HTRA3: variants seen among roughly 807,000 people sequenced by gnomAD.
HTRA3 encodes serine protease HTRA3.
In HTRA3, 41 loss-of-function variants were observed where a neutral mutation model predicts 43.2. The observed-to-expected ratio is 0.95, with a 90% CI of 0.74 to 1.23. The LOEUF (loss-of-function observed/expected upper bound fraction) is 1.23. Ranked by LOEUF, HTRA3 falls within the 50% of genes most tolerant of loss-of-function variation. The probability of loss-of-function intolerance (pLI) is 0.00; values close to 1 mark genes in which losing one functional copy is unlikely to be tolerated. For missense variants in HTRA3, 628 were observed against 647.1 expected (o/e 0.97, Z 0.32); for synonymous variants, 295 against 287.9 (o/e 1.02, Z -0.25).
rs1713874757 is a variant in HTRA3, at chr4:8,306,865, G to A, written c.*729G>A. ...CAGCCTGCAGAGGACAGTGGACGTGGAGCTGCGGGGTGTGAGGACTGAGCC... is the reference window on the plus strand; with the variant it reads ...CAGCCTGCAGAGGACAGTGGACGTGAAGCTGCGGGGTGTGAGGACTGAGCC... On this transcript the variant is annotated 3_prime_UTR_variant, in exon 9 of 9. Coordinates refer to ENST00000307358, the MANE Select transcript of HTRA3 (RefSeq NM_053044.5). This position sits in a 1 kb window ranked among gnomAD's most constrained non-coding sequence, Gnocchi z 8.9. 2 of 152,674 alleles carry A rather than the reference G, an allele frequency of 1.3e-5. No individual in the cohort carries two copies. Among genetic ancestry groups the A allele is most frequent in the African/African-American group, 4.8e-5 (2 of 41,462 alleles). The allele number at this position is 152,674 out of a possible 1,614,324, so 9.5% of individuals were successfully genotyped here.
rs575937150 is a variant in HTRA3 at position 8,305,324 on chromosome 4, G to C, written c.1197-647G>C. Among the ~76,000 whole-genome samples the C allele has an allele frequency of 7.9e-5, 12 of 152,374 alleles. 2 individuals carry two copies. Among genetic ancestry groups the C allele is most frequent in the African/African-American group, 2.6e-4 (11 of 41,594 alleles). On this transcript the variant is annotated intron_variant, in intron 8 of 8. Coordinates refer to ENST00000307358, the MANE Select transcript of HTRA3 (RefSeq NM_053044.5). ...GCCTGCAGTAAAAATTGTTGAAATT[G>C]GGTGAAATTTTCCACACACATCTCA...
intron 1 of HTRA3, among the ~76,000 whole-genome samples, chr4:8,274,605 G>GA (rs1712443201): frequency 6.6e-6 from 1 of 152,250 alleles, no homozygotes; most frequent in African/African-American, 2.4e-5. Flanking sequence ...CTTCTCAGGG[G>GA]AACCCTCGCA....
At chr4:8,272,633 CTG>C (rs1188552461) in intron 1 of HTRA3, among the ~76,000 whole-genome samples, 1 of 152,252 alleles carries the variant, frequency 6.6e-6, no homozygotes, top group Non-Finnish European at 1.5e-5. Flanking sequence ...CGACCCAAAT[CTG>C]TCTCACCCAG....
intron 1 of HTRA3, among the ~76,000 whole-genome samples, chr4:8,271,213 C>T (rs1233796222): frequency 7.9e-6 from 1 of 126,664 alleles, no homozygotes; most frequent in East Asian, 2.1e-4. Flanking sequence ...GGGAAGCCTG[C>T]AGAGGGCTTC....
chr4:8,294,377 C>A (rs1713362864), intron 6 of HTRA3, among the ~76,000 whole-genome samples, 176 bp downstream of exon 6: 1 of 151,802 alleles, frequency 6.6e-6, no homozygotes, highest in African/African-American at 2.4e-5. Context: ...GACAGCTTAT[C>A]CTCAGCCTCT....
chr4:8,306,031 G>A lies in HTRA3; in HGVS notation c.1257G>A (p.Ser419=), dbSNP rs760421189. The change falls in exon 9 of 9, where the codon TCG becomes TCA. Residue 419 remains serine, a synonymous_variant. Transcript: ENST00000307358. The surrounding 1 kb of genome is among the most constrained non-coding windows in gnomAD (Gnocchi z 8.9). The part of the protein sequence containing the change: ...VKVNGRPLVD[S]SELQEAVLTE... ...TCAACGGGCGTCCTCTAGTGGACTC[G>A]AGTGAGCTGCAGGAGGCCGTGCTGA... is the stretch of plus-strand genomic sequence containing the variant. 29 of 1,612,774 alleles carry A rather than the reference G, an allele frequency of 1.8e-5. No individual in the cohort carries two copies. Among genetic ancestry groups the A allele is most frequent in the African/African-American group, 4.0e-5 (3 of 74,564 alleles).
In HTRA3 at chr4:8,294,165, C is replaced by G. The variant is rs377511028; in HGVS notation, c.1015C>G (p.Arg339Gly). ...TGCCATCCCCTCAGACCGCATCACA[C>G]GGTTCCTCACAGAGTTCCAAGACAA... The part of the protein sequence containing the change: ...SFAIPSDRIT[R>G]FLTEFQDKQI... Residue 339 changes from arginine (R) to glycine (G), a missense_variant, in exon 6 of 9, where the codon CGG becomes GGG. By Grantham distance (125) the Arg-to-Gly change is moderately radical. Transcript: ENST00000307358. 6.2e-7 allele frequency: 1 copy of G among 1,612,240 alleles called. No individual in the cohort carries two copies. The highest frequency in any genetic ancestry group is 8.5e-7 in the Non-Finnish European group (1 of 1,179,222).
At chr4:8,274,548 A>G (rs1297824845) in intron 1 of HTRA3, among the ~76,000 whole-genome samples, 1 of 152,036 alleles carries the variant, frequency 6.6e-6, no homozygotes, top group Non-Finnish European at 1.5e-5. Context: ...AATCTCCTCT[A>G]ACCCTCTGGG....
Position 8,276,643 on chromosome 4 carries a change from C to T in HTRA3, c.386-5794C>T, listed in dbSNP as rs376607987. On this transcript the variant is annotated intron_variant, in intron 1 of 8. Transcript: ENST00000307358. Reference sequence around the variant, plus strand: ...ACAAGGACCAGCCTTCTTGGTAAATCACAGGCAGGCTGGCGGCAGCACCTC... The same window carrying T: ...ACAAGGACCAGCCTTCTTGGTAAATTACAGGCAGGCTGGCGGCAGCACCTC... Among the ~76,000 whole-genome samples the T allele has an allele frequency of 7.2e-5, 11 of 152,364 alleles. No homozygotes were observed. The East Asian group carries it at 1.7e-3, about 24-fold the overall frequency.
chr4:8,292,314 C>T lies in HTRA3; in HGVS notation c.904-7C>T. On this transcript the variant is annotated splice_region_variant and splice_polypyrimidine_tract_variant and intron_variant, in intron 4 of 8. Transcript: ENST00000307358. Reference sequence around the variant, plus strand: ...GGCACAGCTAATGCTGTTTCCTCCCCTTGCAGTACGGGAACTCCGGGGGAC... The same window carrying T: ...GGCACAGCTAATGCTGTTTCCTCCCTTTGCAGTACGGGAACTCCGGGGGAC... The T allele has an allele frequency of 6.2e-7, 1 of 1,612,984 alleles. No individual in the cohort carries two copies. The highest frequency in any genetic ancestry group is 2.2e-5 in the East Asian group (1 of 44,864).
chr4:8,271,392 G>C (rs956668640), intron 1 of HTRA3, among the ~76,000 whole-genome samples: 10 of 152,206 alleles, frequency 6.6e-5, no homozygotes, highest in Non-Finnish European at 1.5e-4. Context: ...GGCTTCCCCA[G>C]AGAATTTCAA....
At chr4:8,294,283 C>A in intron 6 of HTRA3, 82 bp downstream of exon 6, 3 of 998,414 alleles carry the variant, frequency 3.0e-6, no homozygotes, top group Non-Finnish European at 4.5e-6. Context: ...GCCCTGGGAC[C>A]AAGGCCCACC....
chr4:8,271,238 G>T (rs549310379), intron 1 of HTRA3, among the ~76,000 whole-genome samples: 7 of 152,108 alleles, frequency 4.6e-5, no homozygotes, highest in African/African-American at 1.7e-4. Flanking sequence ...TTTTTTCTGC[G>T]GTCCGCTGAA....
chr4:8,291,246 C>T (rs1227851801), intron 3 of HTRA3, 124 bp from the exon 4 acceptor site: 2 of 821,322 alleles, frequency 2.4e-6, no homozygotes, highest in East Asian at 2.5e-5. Context: ...CCTTCACAGT[C>T]CTGGTGGCTT....
Position 8,297,371 on chromosome 4 carries a change from AG to A in HTRA3, c.1051+3171del, listed in dbSNP as rs1173866489. Reference sequence around the variant, plus strand: ...CAGGCCTCTGCTTTCCCGCCCGCACAGTGGGTCTAAGTCAGAGGGGACCACA... The same window carrying A: ...CAGGCCTCTGCTTTCCCGCCCGCACATGGGTCTAAGTCAGAGGGGACCACA... On this transcript the variant is annotated intron_variant, in intron 6 of 8. Transcript: ENST00000307358. The surrounding 1 kb of genome is among the most constrained non-coding windows in gnomAD (Gnocchi z 5.8). 6.6e-6 allele frequency among the ~76,000 whole-genome samples: 1 copy of A among 152,098 alleles called. No homozygotes were observed. Among genetic ancestry groups the A allele is most frequent in the Non-Finnish European group, 1.5e-5 (1 of 68,006 alleles).
chr4:8,295,639 G>A lies in HTRA3; in HGVS notation c.1051+1438G>A, dbSNP rs1469512563. 14 of 1,326,082 alleles carry A rather than the reference G, an allele frequency of 1.1e-5. No homozygotes were observed. In the East Asian group the frequency reaches 2.4e-4, roughly 23 times the overall value. 82.1% of individuals were successfully genotyped at this position (1,326,082 alleles called of 1,614,324 possible). ...CTCCTGTGCCCACCTCCTGGCCAAC[G>A]CCCAGGCCTGACTCAGCAACTCACA... On this transcript the variant is annotated intron_variant, in intron 6 of 8. Coordinates refer to ENST00000307358, the MANE Select transcript of HTRA3 (RefSeq NM_053044.5). This position sits in a 1 kb window ranked among gnomAD's most constrained non-coding sequence, Gnocchi z 6.9.
intron 1 of HTRA3, among the ~76,000 whole-genome samples, chr4:8,281,142 G>T (rs1402649078): frequency 6.6e-6 from 1 of 152,208 alleles, no homozygotes; most frequent in African/African-American, 2.4e-5. Context: ...GATGTGCCTG[G>T]GGATTGTGTT....
chr4:8,276,082 G>T (rs1455402168), intron 1 of HTRA3, among the ~76,000 whole-genome samples: 1 of 152,226 alleles, frequency 6.6e-6, no homozygotes, highest in African/African-American at 2.4e-5. Context: ...CTAGTGCAGG[G>T]GTAGCAGGTG....
rs1348956816 is a variant in HTRA3 at position 8,297,885 on chromosome 4, A to AC, written c.1051+3690dup. Among the ~76,000 whole-genome samples the AC allele has an allele frequency of 3.3e-5, 5 of 151,302 alleles. No individual in the cohort carries two copies. Among genetic ancestry groups the AC allele is most frequent in the Non-Finnish European group, 5.9e-5 (4 of 67,820 alleles). On this transcript the variant is annotated intron_variant, in intron 6 of 8. Transcript: ENST00000307358. The surrounding 1 kb of genome is among the most constrained non-coding windows in gnomAD (Gnocchi z 5.8). ...GTTCCCACTAAGAGCACCTGTCAAG[A>AC]CCCCCCTGCTCCTGCAGCCCCACCT...
Sources: gnomAD v4.1 joint callset for allele counts (sites outside exome capture counted in the v4.1 genomes callset) on GRCh38, gnomAD v4.1.1 for gene constraint, Gnocchi (gnomAD v3.1) non-coding constraint, MANE v1.5 for transcripts, NCBI Gene and HGNC (gene_info 2026-07-23, HGNC 2026-07-21) for gene names.